Variants in KCNN3 observed in about 807,000 individuals in gnomAD.
KCNN3 encodes the protein potassium calcium-activated channel subfamily N member 3.
A neutral mutation model predicts 62.9 loss-of-function variants in KCNN3; 16 were observed. That is an observed-to-expected ratio of 0.25 (90% CI 0.17 to 0.39). The LOEUF (loss-of-function observed/expected upper bound fraction) is 0.39, where lower values mean the gene tolerates loss of function less well. KCNN3 is among the 10% of genes least tolerant of loss of function. The pLI, the probability that KCNN3 is intolerant of heterozygous loss-of-function variation, is 1.00. For synonymous variants in KCNN3, 370 were observed against 389.2 expected, an observed-to-expected ratio of 0.95 and a Z score of 0.58; for missense variants, 599 against 949.4, an observed-to-expected ratio of 0.63 and a Z score of 4.85.
At chr1:154,716,986 GAA>G (rs1185444523) in intron 5 of KCNN3, among the ~76,000 whole-genome samples, 1 of 152,214 alleles carries the variant, frequency 6.6e-6, no homozygotes, top group Admixed American at 6.5e-5. Context: ...AAGCCTCAAG[GAA>G]ACTGGAAAGT....
chr1:154,847,207 C>T (rs541559590), intron 1 of KCNN3, among the ~76,000 whole-genome samples: 295 of 152,004 alleles, frequency 1.9e-3, no homozygotes, highest in African/African-American at 6.8e-3. Context: ...CCTCACTACC[C>T]CCCCCTGCCC....
At chr1:154,790,344 T>G (rs1220970464) in intron 2 of KCNN3, among the ~76,000 whole-genome samples, 1 of 152,228 alleles carries the variant, frequency 6.6e-6, no homozygotes, top group Non-Finnish European at 1.5e-5. Flanking sequence ...ATGAGCCCGT[T>G]GTAAATTGAA....
chr1:154,749,260 G>A (rs1647233599), intron 3 of KCNN3, among the ~76,000 whole-genome samples: 1 of 152,270 alleles, frequency 6.6e-6, no homozygotes, highest in African/African-American at 2.4e-5. Flanking sequence ...CTGGAGGGAA[G>A]TGCTGCATAG....
intron 2 of KCNN3, among the ~76,000 whole-genome samples, chr1:154,789,960 G>A (rs1423450189): frequency 6.6e-6 from 1 of 152,158 alleles, no homozygotes; most frequent in Non-Finnish European, 1.5e-5. Context: ...GGCTGGAGGA[G>A]TGCAGTGGTG....
At chr1:154,867,313 T>C (rs150281118) in intron 1 of KCNN3, among the ~76,000 whole-genome samples, 103 of 152,310 alleles carry the variant, frequency 6.8e-4, no homozygotes, top group African/African-American at 2.3e-3. Context: ...CTAAGTGAGC[T>C]GCGCTTCCAA....
chr1:154,739,295 A>G (rs1474068540), intron 3 of KCNN3, among the ~76,000 whole-genome samples: 1 of 152,226 alleles, frequency 6.6e-6, no homozygotes. Context: ...ATTAAATGAC[A>G]TCAAGAAACA....
At chr1:154,773,893 A>C (rs1378748957) in intron 2 of KCNN3, among the ~76,000 whole-genome samples, 2 of 152,118 alleles carry the variant, frequency 1.3e-5, no homozygotes, top group Non-Finnish European at 2.9e-5. Context: ...CCTTCTCCCC[A>C]CTCAGAGAAG....
At chr1:154,847,829 T>C (rs990763529) in intron 1 of KCNN3, among the ~76,000 whole-genome samples, 2 of 152,194 alleles carry the variant, frequency 1.3e-5, no homozygotes, top group Non-Finnish European at 2.9e-5. Context: ...TGTGATGCCC[T>C]TACAGCCACC....
chr1:154,768,394 T>C (rs1648392404), intron 3 of KCNN3, among the ~76,000 whole-genome samples: 1 of 152,220 alleles, frequency 6.6e-6, no homozygotes, highest in African/African-American at 2.4e-5. Context: ...TAGGAAACAA[T>C]ATATTAACGG....
chr1:154,738,483 T>G (rs1700759622), intron 3 of KCNN3, among the ~76,000 whole-genome samples: 1 of 152,180 alleles, frequency 6.6e-6, no homozygotes, highest in South Asian at 2.1e-4. Context: ...ATGCACCCTC[T>G]CTCAGGAAGA....
rs78047974 is a variant in KCNN3, at chr1:154,834,638, C to T, written c.934-12454G>A. Among the ~76,000 whole-genome samples the T allele has an allele frequency of 5.8e-3, 889 of 152,308 alleles. 5 individuals are homozygous for T. The highest frequency in any genetic ancestry group is 9.6e-3 in the Non-Finnish European group (655 of 68,030). ...TCCACAGATTCAAACTCTACAAGGA[C>T]TTACTGAGTACCTGTTATATGACAG... On this transcript the variant is annotated intron_variant, in intron 1 of 7. Coordinates refer to ENST00000271915, the MANE Select transcript of KCNN3 (RefSeq NM_002249.6).
chr1:154,817,811 C>T (rs1241573970), intron 2 of KCNN3, among the ~76,000 whole-genome samples: 1 of 152,186 alleles, frequency 6.6e-6, no homozygotes, highest in African/African-American at 2.4e-5. Context: ...GGCTCCTGTC[C>T]TGGGCTCTGC....
chr1:154,795,634 A>G (rs1025556125), intron 2 of KCNN3, among the ~76,000 whole-genome samples: 2 of 152,226 alleles, frequency 1.3e-5, no homozygotes, highest in Admixed American at 6.5e-5. Flanking sequence ...ACAGAGGAAT[A>G]TATTGCATAT....
intron 3 of KCNN3, among the ~76,000 whole-genome samples, chr1:154,760,898 G>A (rs1277045789): frequency 6.6e-6 from 1 of 152,258 alleles, no homozygotes; most frequent in Non-Finnish European, 1.5e-5. Context: ...CCGCGGCCCT[G>A]TCCACCAAGG....
intron 1 of KCNN3, among the ~76,000 whole-genome samples, chr1:154,823,136 A>G (rs1650972967): frequency 6.6e-6 from 1 of 152,214 alleles, no homozygotes. Context: ...AACTACCCTT[A>G]TCATTTACTT....
At chr1:154,851,767 G>C (rs1220029349) in intron 1 of KCNN3, among the ~76,000 whole-genome samples, 1 of 152,140 alleles carries the variant, frequency 6.6e-6, no homozygotes, top group Non-Finnish European at 1.5e-5. Context: ...TCTCAGCGGG[G>C]CTCCCTGACC....
chr1:154,867,790 A>G (rs1161393131), intron 1 of KCNN3, among the ~76,000 whole-genome samples: 3 of 143,268 alleles, frequency 2.1e-5, no homozygotes, highest in Admixed American at 7.2e-5. Flanking sequence ...AAGCAGGCGC[A>G]TGCATACGTA....
intron 1 of KCNN3, among the ~76,000 whole-genome samples, chr1:154,829,285 C>G (rs544925568): frequency 6.6e-6 from 1 of 152,212 alleles, no homozygotes; most frequent in Admixed American, 6.5e-5. Flanking sequence ...AGAAAACCCA[C>G]AAGTGGTTCC....
intron 2 of KCNN3, among the ~76,000 whole-genome samples, chr1:154,813,714 A>C (rs572103238): frequency 8.5e-5 from 13 of 152,182 alleles, no homozygotes; most frequent in Non-Finnish European, 1.8e-4. Context: ...TAATGGACAC[A>C]GCACCACCCA....
Sources: allele counts gnomAD v4.1 joint callset (sites outside exome capture counted in the v4.1 genomes callset), GRCh38; gene constraint gnomAD v4.1.1; transcripts MANE v1.5; gene names NCBI Gene and HGNC (gene_info 2026-07-23, HGNC 2026-07-21).